TMEM144: variants seen among roughly 807,000 people sequenced by gnomAD.
TMEM144 encodes the protein transmembrane protein 144.
TMEM144 carries 39 observed loss-of-function variants against 43.6 expected under a neutral mutation model. That is an observed-to-expected ratio of 0.90 (90% CI 0.69 to 1.17). The LOEUF is 1.17. Among genes scored for constraint, TMEM144 ranks in the 50% most tolerant of loss-of-function variants. The pLI is 0.00. For missense variants in TMEM144, 417 were observed against 411.9 expected (o/e 1.01, Z -0.11); for synonymous variants, 154 against 133.6 (o/e 1.15, Z -1.06).
chr4:158,221,639 C>A (rs768715386), intron 6 of TMEM144, among the ~76,000 whole-genome samples: 11 of 152,112 alleles, frequency 7.2e-5, no homozygotes, highest in Non-Finnish European at 1.3e-4. Context: ...ACATGCTCTC[C>A]CTTCTTTTGT....
intron 7 of TMEM144, chr4:158,234,740 G>C: frequency 6.6e-6 from 1 of 152,270 alleles, no homozygotes; most frequent in Non-Finnish European, 1.5e-5. Context: ...GATATGAATA[G>C]GCTGGACATA....
At chr4:158,245,209 TAA>T (rs1735823770) in intron 12 of TMEM144, among the ~76,000 whole-genome samples, 1 of 141,442 alleles carries the variant, frequency 7.1e-6, no homozygotes, top group Admixed American at 7.5e-5. Flanking sequence ...ATAGTTCTAG[TAA>T]GAGTGTGTGT....
At chr4:158,229,240 C>G (rs189211457) in intron 6 of TMEM144, among the ~76,000 whole-genome samples, 140 of 152,294 alleles carry the variant, frequency 9.2e-4, no homozygotes, top group African/African-American at 3.3e-3. Context: ...TCTCTTCTCT[C>G]AAGGTCACTC....
intron 3 of TMEM144, chr4:158,213,154 C>T (rs1242681005): frequency 3.7e-6 from 1 of 273,040 alleles, no homozygotes; most frequent in Non-Finnish European, 6.9e-6. Context: ...GCAATTTTGT[C>T]CCTGAGAAAC....
chr4:158,237,758 T>A, intron 9 of TMEM144, 115 bp downstream of exon 9: 1 of 734,006 alleles, frequency 1.4e-6, no homozygotes, highest in Non-Finnish European at 2.1e-6. Flanking sequence ...TCCTTGTAAG[T>A]GGCGAATTAG....
chr4:158,237,762 G>C, intron 9 of TMEM144, 119 bp downstream of exon 9: 2 of 678,794 alleles, frequency 2.9e-6, no homozygotes, highest in Non-Finnish European at 4.7e-6. Context: ...TGTAAGTGGC[G>C]AATTAGAAAG....
intron 7 of TMEM144, chr4:158,234,172 A>G (rs984431750): frequency 1.3e-5 from 2 of 152,188 alleles, no homozygotes; most frequent in Admixed American, 6.5e-5. Context: ...TTGACTTAGC[A>G]CATGACAAAG....
At chr4:158,242,912 T>C (rs1034688223) in intron 11 of TMEM144, among the ~76,000 whole-genome samples, 1 of 152,204 alleles carries the variant, frequency 6.6e-6, no homozygotes, top group African/African-American at 2.4e-5. Flanking sequence ...CTCCTTGGCC[T>C]GAATCAAAGA....
At chr4:158,247,791 A>G (rs1735966165) in intron 12 of TMEM144, among the ~76,000 whole-genome samples, 2 of 152,194 alleles carry the variant, frequency 1.3e-5, no homozygotes, top group East Asian at 3.9e-4. Flanking sequence ...CTGATGGAAC[A>G]TCTCGCTGTT....
Position 158,219,349 on chromosome 4 carries a change from T to C in TMEM144, c.372T>C (p.Asn124=), listed in dbSNP as rs1357947318. The change falls in exon 6 of 13, where the codon AAT becomes AAC. Residue 124 remains asparagine, a synonymous_variant. Transcript: ENST00000296529. ...GATTGGATGCAGAAGAAGTATCAAA[T>C]CCGCTGCTAAATTACATTGGAGCTG... ...WFGLDAEEVS[N]PLLNYIGAGL... The C allele has an allele frequency of 6.2e-7, 1 of 1,613,956 alleles. No individual in the cohort carries two copies. The highest frequency in any genetic ancestry group is 2.2e-5 in the East Asian group (1 of 44,878).
rs761948976 is a variant in TMEM144 at position 158,237,602 on chromosome 4, G to T, written c.641G>T (p.Ser214Ile). 7.4e-6 allele frequency: 12 copies of T among 1,613,700 alleles called. No homozygotes were observed. In the South Asian group the frequency reaches 1.3e-4, roughly 18 times the overall value. ...FVPIIYIKDHSKRNDSIYAGA... is the reference protein window; with the variant it reads ...FVPIIYIKDHIKRNDSIYAGA... ...CCAATCATCTACATCAAGGACCACA[G>T]CAAAAGAAATGATAGTATATATGCA... The change falls in exon 9 of 13, where the codon AGC becomes ATC. Residue 214 changes from serine to isoleucine, a missense_variant. Coordinates refer to ENST00000296529, the MANE Select transcript of TMEM144 (RefSeq NM_018342.5).
intron 6 of TMEM144, among the ~76,000 whole-genome samples, chr4:158,222,652 G>C (rs1734563861): frequency 6.6e-6 from 1 of 152,062 alleles, no homozygotes. Context: ...GAAGGACAAG[G>C]CCCATTATTT....
chr4:158,241,398 C>T, intron 10 of TMEM144, 111 bp from the exon 11 acceptor site: 1 of 811,710 alleles, frequency 1.2e-6, no homozygotes, highest in East Asian at 2.5e-5. Context: ...TGGCCAACAA[C>T]ATTGATTAGA....
chr4:158,233,060 G>A (rs1382175614), intron 7 of TMEM144, 78 bp downstream of exon 7: 2 of 1,132,228 alleles, frequency 1.8e-6, no homozygotes, highest in Non-Finnish European at 2.5e-6. Context: ...TTTAAACACA[G>A]ATGAAAAAGT....
At chr4:158,242,753 A>C (rs1735691798) in intron 11 of TMEM144, among the ~76,000 whole-genome samples, 2 of 152,196 alleles carry the variant, frequency 1.3e-5, no homozygotes, top group African/African-American at 4.8e-5. Flanking sequence ...TTCTAAACTG[A>C]ATCAGCTTAA....
At chr4:158,232,360 T>C (rs112530369) in intron 6 of TMEM144, among the ~76,000 whole-genome samples, 2,673 of 152,330 alleles carry the variant, frequency 0.018, 40 homozygotes, top group Non-Finnish European at 0.027. Flanking sequence ...TGCATGACCA[T>C]GTAGGCCACC....
At chr4:158,246,447 T>C (rs946540048) in intron 12 of TMEM144, among the ~76,000 whole-genome samples, 8 of 152,230 alleles carry the variant, frequency 5.3e-5, no homozygotes, top group African/African-American at 1.9e-4. Context: ...GTAAATGAAA[T>C]ATTTTGATTT....
chr4:158,229,396 G>A (rs1307132543), intron 6 of TMEM144, among the ~76,000 whole-genome samples: 5 of 152,132 alleles, frequency 3.3e-5, no homozygotes, highest in Non-Finnish European at 7.4e-5. Context: ...CGGACCCCAA[G>A]AGGCACCAAC....
In TMEM144 at chr4:158,255,331, T is replaced by G. The variant is rs983198481; in HGVS notation, c.*1804T>G. 6.6e-6 allele frequency: 1 copy of G among 151,620 alleles called. No individual in the cohort carries two copies. The highest frequency in any genetic ancestry group is 1.5e-5 in the Non-Finnish European group (1 of 67,876). The allele number at this position is 151,620 out of a possible 1,614,324, so 9.4% of individuals were successfully genotyped here. A position where few individuals can be genotyped will look rare whatever the true frequency, so the allele number is the denominator to read the frequency against. ...ATTTTAGAATTTTATATTGGATAACTTTTAATTATTCTTTAGTTGGGATTT... is the reference window on the plus strand; with the variant it reads ...ATTTTAGAATTTTATATTGGATAACGTTTAATTATTCTTTAGTTGGGATTT... On this transcript the variant is annotated 3_prime_UTR_variant, in exon 13 of 13. Coordinates refer to ENST00000296529, the MANE Select transcript of TMEM144 (RefSeq NM_018342.5).
Sources: allele counts gnomAD v4.1 joint callset (sites outside exome capture counted in the v4.1 genomes callset), GRCh38; gene constraint gnomAD v4.1.1; transcripts MANE v1.5; gene names NCBI Gene and HGNC (gene_info 2026-07-23, HGNC 2026-07-21).